FHIT: variants seen among roughly 807,000 people sequenced by gnomAD.
The protein encoded by FHIT is fragile histidine triad diadenosine triphosphatase, also known as bis(5'-adenosyl)-triphosphatase.
FHIT carries 19 observed loss-of-function variants against 17.9 expected under a neutral mutation model. The ratio of observed to expected loss-of-function variants is 1.06; its 90% CI spans 0.74 to 1.56. The LOEUF (loss-of-function observed/expected upper bound fraction) is 1.56, where lower values mean the gene tolerates loss of function less well. Ranked by LOEUF, FHIT falls within the 40% of genes most tolerant of loss-of-function variation. FHIT has a pLI of 0.00. For synonymous variants in FHIT, 81 were observed against 69.7 expected (o/e 1.16, Z -0.81); for missense variants, 248 against 189.2 (o/e 1.31, Z -1.82).
chr3:60,050,061 A>C (rs991843757), intron 5 of FHIT, among the ~76,000 whole-genome samples: 3 of 152,198 alleles, frequency 2.0e-5, no homozygotes, highest in Admixed American at 2.0e-4. Flanking sequence ...TTAGCCATTC[A>C]AAGTTCCCCT....
intron 2 of FHIT, among the ~76,000 whole-genome samples, chr3:61,104,249 T>A (rs940614196): frequency 2.6e-5 from 4 of 152,230 alleles, no homozygotes; most frequent in African/African-American, 7.2e-5. Flanking sequence ...GGAGATCTTG[T>A]AAGGCAGGTC....
At chr3:60,828,781 G>T (rs1702214268) in intron 3 of FHIT, among the ~76,000 whole-genome samples, 1 of 152,176 alleles carries the variant, frequency 6.6e-6, no homozygotes, top group South Asian at 2.1e-4. Context: ...GGGAGACTGA[G>T]GCAGGAGATT....
intron 4 of FHIT, among the ~76,000 whole-genome samples, chr3:60,653,523 G>T (rs12632940): frequency 0.12 from 1,786 of 14,444 alleles, 35 homozygotes; most frequent in African/African-American, 0.18. Context: ...TGGAGTGGAG[G>T]GAATTATCAA....
chr3:59,871,182 T>C (rs76783292), intron 8 of FHIT, among the ~76,000 whole-genome samples: 2,684 of 152,296 alleles, frequency 0.018, 28 homozygotes, highest in African/African-American at 0.021. Context: ...GGGTAGCAAA[T>C]ACTATGCCTA....
chr3:60,437,623 T>C (rs1011310961), intron 5 of FHIT, among the ~76,000 whole-genome samples: 5 of 152,044 alleles, frequency 3.3e-5, no homozygotes, highest in South Asian at 4.2e-4. Context: ...AATCATTATA[T>C]AGATTAGGTA....
At chr3:60,891,574 A>C (rs2107176893) in intron 3 of FHIT, among the ~76,000 whole-genome samples, 1 of 152,332 alleles carries the variant, frequency 6.6e-6, no homozygotes, top group East Asian at 1.9e-4. Context: ...TTCTGGATCC[A>C]GCAGTTCTAG....
intron 8 of FHIT, among the ~76,000 whole-genome samples, chr3:59,817,220 G>T (rs1265872427): frequency 6.6e-6 from 1 of 152,204 alleles, no homozygotes; most frequent in Non-Finnish European, 1.5e-5. Context: ...TAATGTTTGT[G>T]TGTGTTGTTA....
intron 5 of FHIT, among the ~76,000 whole-genome samples, chr3:60,063,786 C>T (rs2106937045): frequency 6.6e-6 from 1 of 152,210 alleles, no homozygotes; most frequent in Middle Eastern, 3.4e-3. Flanking sequence ...CAAGAATGTC[C>T]TTTGTAGTAT....
chr3:60,047,363 A>G (rs891511386), intron 5 of FHIT, among the ~76,000 whole-genome samples: 5 of 152,186 alleles, frequency 3.3e-5, no homozygotes, highest in Admixed American at 1.3e-4. Flanking sequence ...CAGTGCTTCC[A>G]AATGCATATG....
At chr3:59,831,812 A>G (rs1184030045) in intron 8 of FHIT, among the ~76,000 whole-genome samples, 1 of 152,118 alleles carries the variant, frequency 6.6e-6, no homozygotes, top group African/African-American at 2.4e-5. Context: ...TGAAAACAAT[A>G]AAACAAAACA....
chr3:60,381,523 A>G lies in FHIT; in HGVS notation c.103+155337T>C, dbSNP rs1022280450. ...AAGAAAAGAAAAGATCATTAGACAT[A>G]AAACAACAAAAAAAAGCACATATAA... On this transcript the variant is annotated intron_variant, in intron 5 of 9. Coordinates refer to ENST00000492590, the MANE Select transcript of FHIT (RefSeq NM_002012.4). Among the ~76,000 whole-genome samples the G allele has an allele frequency of 5.3e-5, 8 of 152,152 alleles. No homozygotes were observed. In the East Asian group the frequency reaches 1.2e-3, roughly 22 times the overall value.
Position 60,795,853 on chromosome 3 carries a change from A to C in FHIT, c.-18+26066T>G, listed in dbSNP as rs149484443. Reference sequence around the variant, plus strand: ...TGTTTTTGTACTCCCTAACTTTTTGAGTAAGTGAATTTCATTGCTTGGCAT... The same window carrying C: ...TGTTTTTGTACTCCCTAACTTTTTGCGTAAGTGAATTTCATTGCTTGGCAT... On this transcript the variant is annotated intron_variant, in intron 4 of 9. Transcript: ENST00000492590. Among the ~76,000 whole-genome samples the C allele has an allele frequency of 2.0e-5, 3 of 152,120 alleles. No homozygotes were observed. In the East Asian group the frequency reaches 5.8e-4, roughly 29 times the overall value.
At chr3:60,178,879 G>T (rs1701798472) in intron 5 of FHIT, among the ~76,000 whole-genome samples, 2 of 152,032 alleles carry the variant, frequency 1.3e-5, no homozygotes, top group African/African-American at 4.8e-5. Context: ...ATCTGATATT[G>T]CCCTCTGTAT....
intron 2 of FHIT, among the ~76,000 whole-genome samples, chr3:61,061,591 A>T (rs2034431423): frequency 6.6e-6 from 1 of 151,994 alleles, no homozygotes; most frequent in Admixed American, 6.6e-5. Context: ...TTCTATTTTT[A>T]AGTCTATGGA....
Position 60,365,076 on chromosome 3 carries a change from G to C in FHIT, c.103+171784C>G, listed in dbSNP as rs371218167. On this transcript the variant is annotated intron_variant, in intron 5 of 9. Coordinates refer to ENST00000492590, the MANE Select transcript of FHIT (RefSeq NM_002012.4). ...TATATATATATATTCTATTGGTTCT[G>C]TTCTCTCTCATATATTATTACATAT... Among the ~76,000 whole-genome samples the C allele has an allele frequency of 4.0e-5, 6 of 149,626 alleles. 1 individual carries two copies. The highest frequency in any genetic ancestry group is 2.1e-4 in the South Asian group (1 of 4,766).
intron 7 of FHIT, among the ~76,000 whole-genome samples, chr3:59,996,526 C>T (rs776606655): frequency 8.6e-5 from 13 of 152,026 alleles, no homozygotes; most frequent in South Asian, 2.1e-4. Context: ...CTGCAGCTTT[C>T]GAATACTTGA....
intron 5 of FHIT, among the ~76,000 whole-genome samples, chr3:60,423,774 C>G (rs369591749): frequency 6.6e-6 from 1 of 152,148 alleles, no homozygotes; most frequent in Non-Finnish European, 1.5e-5. Flanking sequence ...AACTACCACA[C>G]TAATGTGGCT....
chr3:61,228,907 T>A (rs578143721), intron 1 of FHIT, among the ~76,000 whole-genome samples: 1 of 152,286 alleles, frequency 6.6e-6, no homozygotes, highest in Admixed American at 6.5e-5. Flanking sequence ...CAAGGTACCA[T>A]GCAAGGCAAA....
intron 5 of FHIT, among the ~76,000 whole-genome samples, chr3:60,533,165 T>C (rs1008364629): frequency 2.6e-5 from 4 of 152,064 alleles, no homozygotes; most frequent in African/African-American, 4.8e-5. Flanking sequence ...AGAATTGTAA[T>C]GGACAAAGGA....
Sources: allele counts gnomAD v4.1 joint callset (sites outside exome capture counted in the v4.1 genomes callset), GRCh38; gene constraint gnomAD v4.1.1; transcripts MANE v1.5; gene names NCBI Gene and HGNC (gene_info 2026-07-23, HGNC 2026-07-21).